CSGALNACT1: variants seen among roughly 807,000 people sequenced by gnomAD.
The protein encoded by CSGALNACT1 is chondroitin sulfate N-acetylgalactosaminyltransferase 1.
CSGALNACT1 carries 52 observed loss-of-function variants against 51.0 expected under a neutral mutation model. That is an observed-to-expected ratio of 1.02 (90% CI 0.82 to 1.29). The LOEUF (loss-of-function observed/expected upper bound fraction) is 1.29. CSGALNACT1 is among the 50% of genes most tolerant of loss of function. CSGALNACT1 has a pLI of 0.00. For synonymous variants in CSGALNACT1, 341 were observed against 254.4 expected (o/e 1.34, Z -3.24); for missense variants, 935 against 679.2 (o/e 1.38, Z -4.19).
intron 1 of CSGALNACT1, among the ~76,000 whole-genome samples, chr8:19,619,928 G>A (rs1392393010): frequency 6.6e-6 from 1 of 152,144 alleles, no homozygotes; most frequent in South Asian, 2.1e-4. Flanking sequence ...GAGACGCTGG[G>A]CAAATTATCC....
chr8:19,455,250 A>G (rs558909360), intron 5 of CSGALNACT1, among the ~76,000 whole-genome samples: 3 of 152,354 alleles, frequency 2.0e-5, no homozygotes, highest in African/African-American at 7.2e-5. Flanking sequence ...ATAATCTTTC[A>G]CTGAATCTTT....
chr8:19,689,054 G>A (rs1229761898), intron 1 of CSGALNACT1: 2 of 152,202 alleles, frequency 1.3e-5, no homozygotes, highest in Non-Finnish European at 2.9e-5. Context: ...GGCTTCTAAT[G>A]GAGTATGGCA....
chr8:19,516,154 T>A (rs904906314), intron 3 of CSGALNACT1, among the ~76,000 whole-genome samples: 2 of 152,146 alleles, frequency 1.3e-5, no homozygotes, highest in African/African-American at 4.8e-5. Flanking sequence ...AGCATTTACG[T>A]TGGGGCCAGA....
chr8:19,726,773 G>A (rs1020809098), intron 1 of CSGALNACT1, among the ~76,000 whole-genome samples: 2 of 152,158 alleles, frequency 1.3e-5, no homozygotes, highest in Middle Eastern at 3.2e-3. Context: ...AATTTCCTCT[G>A]GATAGCAAGT....
intron 8 of CSGALNACT1, 84 bp from the exon 8 acceptor site, chr8:19,408,778 G>A: frequency 8.4e-7 from 1 of 1,192,134 alleles, no homozygotes; most frequent in Non-Finnish European, 1.3e-6. Flanking sequence ...AGCCACCGTG[G>A]AGTGTGGAGC....
At chr8:19,630,858 A>C (rs1037403138) in intron 1 of CSGALNACT1, among the ~76,000 whole-genome samples, 5 of 152,172 alleles carry the variant, frequency 3.3e-5, no homozygotes, top group Non-Finnish European at 7.3e-5. Context: ...AAGTGATCAT[A>C]AACTATGGAG....
intron 5 of CSGALNACT1, among the ~76,000 whole-genome samples, chr8:19,445,377 T>C (rs2061951892): frequency 1.3e-5 from 2 of 152,156 alleles, no homozygotes; most frequent in Admixed American, 6.5e-5. Context: ...GCATTCTCAT[T>C]TTTCTAATAA....
At chr8:19,733,290 T>C (rs2063787597) in intron 1 of CSGALNACT1, among the ~76,000 whole-genome samples, 1 of 152,244 alleles carries the variant, frequency 6.6e-6, no homozygotes, top group Non-Finnish European at 1.5e-5. Flanking sequence ...CTTGTCAATT[T>C]GGAACTTGCT....
intron 1 of CSGALNACT1, among the ~76,000 whole-genome samples, chr8:19,670,490 C>T (rs774675872): frequency 1.3e-5 from 2 of 151,326 alleles, no homozygotes; most frequent in Admixed American, 6.6e-5. Context: ...ATACATAATG[C>T]CTTCTAAGGT....
chr8:19,702,750 G>A (rs1427555731), intron 1 of CSGALNACT1, among the ~76,000 whole-genome samples: 11 of 152,004 alleles, frequency 7.2e-5, no homozygotes, highest in Non-Finnish European at 4.4e-5. Flanking sequence ...ACCAGACCTC[G>A]TCCTCAAGAC....
In CSGALNACT1 at chr8:19,458,480, A is replaced by G. The variant is rs536832454; in HGVS notation, c.797T>C (p.Ile266Thr). The G allele has an allele frequency of 1.2e-5, 19 of 1,614,224 alleles. No individual in the cohort carries two copies. The South Asian group carries it at 1.9e-4, about 16-fold the overall frequency. ...GTCCACCCTTTTTGCTAGAGGCACGATAACATTGATAAGCGTGTTGGCCAT... is the reference window on the plus strand; with the variant it reads ...GTCCACCCTTTTTGCTAGAGGCACGGTAACATTGATAAGCGTGTTGGCCAT... Residue 266 changes from isoleucine to threonine, a missense_variant, in exon 5 of 10, where the codon ATC becomes ACC. Coordinates refer to ENST00000454498, the Ensembl canonical transcript of CSGALNACT1.
At chr8:19,711,056 C>A (rs756105632) in intron 1 of CSGALNACT1, among the ~76,000 whole-genome samples, 4 of 152,094 alleles carry the variant, frequency 2.6e-5, no homozygotes, top group Non-Finnish European at 5.9e-5. Context: ...TTTGGTCAAC[C>A]TTTACATATT....
At chr8:19,732,392 C>T (rs762714964) in intron 1 of CSGALNACT1, 5 of 152,184 alleles carry the variant, frequency 3.3e-5, no homozygotes, top group Non-Finnish European at 7.4e-5. Context: ...AAAATATGCA[C>T]CAGGATCAGT....
At chr8:19,406,525 C>T (rs1158663449) in intron 9 of CSGALNACT1, among the ~76,000 whole-genome samples, 1 of 150,884 alleles carries the variant, frequency 6.6e-6, no homozygotes, top group African/African-American at 2.4e-5. Context: ...TGGATACCTC[C>T]CATGACCCTG....
rs140305706 is a variant in CSGALNACT1, at chr8:19,412,577, C to G, written c.1228-3883G>C. On this transcript the variant is annotated intron_variant, in intron 8 of 9. Coordinates refer to ENST00000454498, the Ensembl canonical transcript of CSGALNACT1. ...TCTCTCCTCAGCACTGAGGCTGCGT[C>G]TGGTCTACCTTGCATTCACAGCAAC... Among the ~76,000 whole-genome samples the G allele has an allele frequency of 3.9e-3, 596 of 152,374 alleles. 5 individuals are homozygous for G. Among genetic ancestry groups the G allele is most frequent in the African/African-American group, 0.014 (569 of 41,592 alleles).
At chr8:19,586,101 G>A (rs571831713) in intron 3 of CSGALNACT1, among the ~76,000 whole-genome samples, 118 of 152,250 alleles carry the variant, frequency 7.8e-4, no homozygotes, top group Admixed American at 2.0e-3. Context: ...GGTGGTTCAT[G>A]CCTGTAATCC....
chr8:19,439,732 G>T, intron 6 of CSGALNACT1, 98 bp downstream of exon 5: 1 of 934,518 alleles, frequency 1.1e-6, no homozygotes, highest in Non-Finnish European at 1.7e-6. Flanking sequence ...CACCCACAGT[G>T]TAAAGGAAAA....
intron 5 of CSGALNACT1, among the ~76,000 whole-genome samples, chr8:19,440,993 T>C (rs2061245049): frequency 6.6e-6 from 1 of 152,128 alleles, no homozygotes. Context: ...ATAAAATACC[T>C]AGGAATCCAA....
chr8:19,444,044 C>T (rs181525562), intron 5 of CSGALNACT1, among the ~76,000 whole-genome samples: 2 of 152,318 alleles, frequency 1.3e-5, no homozygotes, highest in African/African-American at 4.8e-5. Flanking sequence ...GCTGATCTGA[C>T]AAGAGGTGGC....
Sources: allele counts gnomAD v4.1 joint callset (sites outside exome capture counted in the v4.1 genomes callset), GRCh38; gene constraint gnomAD v4.1.1; transcripts MANE v1.5; gene names NCBI Gene and HGNC (gene_info 2026-07-23, HGNC 2026-07-21).